TENM1: variants seen among roughly 807,000 people sequenced by gnomAD.
TENM1 encodes teneurin-1.
Under a neutral mutation model 174.8 loss-of-function variants are expected in TENM1, and 35 were observed. That is an observed-to-expected ratio of 0.20 (90% CI 0.15 to 0.27). The LOEUF (loss-of-function observed/expected upper bound fraction) is 0.27. TENM1 is among the 10% of genes least tolerant of loss of function. The probability of loss-of-function intolerance (pLI) is 1.00; values close to 1 mark genes in which losing one functional copy is unlikely to be tolerated. For missense variants in TENM1, 1,633 were observed against 2,130.1 expected (o/e 0.77, Z 4.59); for synonymous variants, 781 against 798.7 (o/e 0.98, Z 0.37).
chrX:124,504,373 T>C (rs1258771665), intron 18 of TENM1, among the ~76,000 whole-genome samples: 1 of 112,097 alleles, frequency 8.9e-6, no homozygotes, highest in Non-Finnish European at 1.9e-5. Context: ...GCAGCACAGA[T>C]GTTGTACATT....
intron 21 of TENM1, among the ~76,000 whole-genome samples, chrX:124,485,241 C>T (rs755360354): frequency 9.0e-6 from 1 of 111,166 alleles, no homozygotes; most frequent in South Asian, 3.8e-4. Context: ...TACTTACCTT[C>T]ATCAAGTAAG....
exon 32 of TENM1, chrX:124,377,320 G>A (rs937350756): frequency 9.1e-6 from 1 of 110,370 alleles, no homozygotes; most frequent in African/African-American, 3.3e-5. Flanking sequence ...TTATATATAT[G>A]TAGTCTATAT....
At chrX:124,587,520 C>A (rs1208895114) in intron 11 of TENM1, among the ~76,000 whole-genome samples, 1 of 111,229 alleles carries the variant, frequency 9.0e-6, no homozygotes, top group South Asian at 3.8e-4. Context: ...CTTCCTTACA[C>A]CTTATACAAA....
chrX:124,622,531 T>G (rs1158966613), intron 11 of TENM1, among the ~76,000 whole-genome samples: 3 of 112,412 alleles, frequency 2.7e-5, no homozygotes, highest in Non-Finnish European at 3.8e-5. Context: ...TTAAGTTGCA[T>G]ATGTTTTCTT....
At chrX:124,934,622 G>A (rs933611107) in intron 1 of TENM1, among the ~76,000 whole-genome samples, 2 of 111,717 alleles carry the variant, frequency 1.8e-5, no homozygotes, top group South Asian at 3.8e-4. Context: ...TAGAAACAAC[G>A]GTGGCAGAAC....
At chrX:124,541,796 C>G (rs763068457) in intron 15 of TENM1, among the ~76,000 whole-genome samples, 1 of 112,256 alleles carries the variant, frequency 8.9e-6, no homozygotes, top group South Asian at 3.7e-4. Flanking sequence ...CTGCTCTCAT[C>G]AAGAGGTGGG....
At chrX:124,588,213 A>G (rs2049604179) in intron 11 of TENM1, among the ~76,000 whole-genome samples, 1 of 111,423 alleles carries the variant, frequency 9.0e-6, no homozygotes, top group African/African-American at 3.3e-5. Flanking sequence ...AGGACTATAA[A>G]TCATGCTGCT....
At chrX:124,379,222 T>C (rs1234567513) in exon 32 of TENM1, 1 of 112,201 alleles carries the variant, frequency 8.9e-6, no homozygotes, top group Non-Finnish European at 1.9e-5. Flanking sequence ...TCCTAGGCAG[T>C]AGAGACGATT....
rs2053690453 is a variant in TENM1 at position 124,737,074 on chromosome X, G to T, written c.659C>A (p.Ser220Ter). ...GCTGGGCTGGCTGCGGGTAGTCATT[G>T]ATCTCCTCTGAAGAGAGTCCGCTGC... Residue 220 changes from serine to a stop codon, truncating the protein, a stop_gained, in exon 4 of 32, where the codon TCA (serine) becomes TAA (stop). Coordinates refer to ENST00000422452, the Ensembl canonical transcript of TENM1. LOFTEE classifies it high-confidence loss of function. The T allele has an allele frequency of 8.3e-7, 1 of 1,211,445 alleles. No individual in the cohort carries two copies. The highest frequency in any genetic ancestry group is 1.1e-6 in the Non-Finnish European group (1 of 895,469).
chrX:124,854,935 G>C (rs1016944136), intron 3 of TENM1, among the ~76,000 whole-genome samples: 4 of 111,529 alleles, frequency 3.6e-5, no homozygotes, highest in South Asian at 3.7e-4. Flanking sequence ...AATTGAATTG[G>C]ATTAAAAATT....
chrX:124,439,329 T>C (rs1044839281), intron 23 of TENM1, among the ~76,000 whole-genome samples: 2 of 112,153 alleles, frequency 1.8e-5, no homozygotes, highest in East Asian at 2.8e-4. Context: ...TACTTCTTGA[T>C]TTCAAAGAGA....
At chrX:125,187,274 A>G in the TENM1 span, among the ~76,000 whole-genome samples, 1 of 112,069 alleles carries the variant, frequency 8.9e-6, no homozygotes, top group African/African-American at 3.2e-5. Context: ...ACAAAAGAGA[A>G]AAAAGTCATT....
the TENM1 span, among the ~76,000 whole-genome samples, chrX:125,176,544 TAA>T: frequency 9.0e-6 from 1 of 111,633 alleles, no homozygotes; most frequent in African/African-American, 3.2e-5. Context: ...AATAACCTTT[TAA>T]AAAGTTTTCA....
Position 124,875,963 on chromosome X carries a change from T to TTATA in TENM1, c.535+18329_535+18332dup, listed in dbSNP as rs771315006. On this transcript the variant is annotated intron_variant, in intron 3 of 31. Coordinates refer to ENST00000422452, the Ensembl canonical transcript of TENM1. ...TTTTACATGATCTTATTCTAAGAAA[T>TTATA]TATATATATATATATACGTTTGTAT... is the stretch of plus-strand genomic sequence containing the variant. Among the ~76,000 whole-genome samples, 1,020 of 105,478 alleles carry TTATA rather than the reference T, an allele frequency of 9.7e-3. 22 individuals carry two copies. Among genetic ancestry groups the TTATA allele is most frequent in the African/African-American group, 0.034 (976 of 28,715 alleles). The allele number at this position is 105,478 out of a possible 115,157, so 91.6% of individuals were successfully genotyped here.
intron 11 of TENM1, among the ~76,000 whole-genome samples, chrX:124,622,789 T>C (rs1292253065): frequency 8.9e-6 from 1 of 111,995 alleles, no homozygotes; most frequent in Non-Finnish European, 1.9e-5. Flanking sequence ...AAATGCATCA[T>C]TCTAATGATT....
chrX:124,756,729 G>A (rs1295633374), intron 3 of TENM1, among the ~76,000 whole-genome samples: 31 of 111,995 alleles, frequency 2.8e-4, no homozygotes, highest in African/African-American at 9.1e-4. Flanking sequence ...TCAGCTGCAG[G>A]TCTGTTGGAG....
chrX:125,167,812 G>C, the TENM1 span, among the ~76,000 whole-genome samples: 1 of 111,666 alleles, frequency 9.0e-6, no homozygotes, highest in Non-Finnish European at 1.9e-5. Context: ...CTGAGAAGCT[G>C]CTTTGCTATC....
chrX:124,729,963 C>T (rs1258965765), intron 4 of TENM1, among the ~76,000 whole-genome samples: 1 of 111,121 alleles, frequency 9.0e-6, no homozygotes, highest in Non-Finnish European at 1.9e-5. Flanking sequence ...CACTCCCCGC[C>T]GGTTCAAGCG....
At chrX:124,805,544 G>C (rs981954135) in intron 3 of TENM1, among the ~76,000 whole-genome samples, 2 of 112,923 alleles carry the variant, frequency 1.8e-5, no homozygotes, top group African/African-American at 6.4e-5. Context: ...GCACCAGATG[G>C]GAAAGCATAG....
Sources: allele counts gnomAD v4.1 joint callset (sites outside exome capture counted in the v4.1 genomes callset), GRCh38; gene constraint gnomAD v4.1.1; transcripts MANE v1.5; gene names NCBI Gene and HGNC (gene_info 2026-07-23, HGNC 2026-07-21).